CNBD1: variants seen among roughly 807,000 people sequenced by gnomAD.
CNBD1 encodes cyclic nucleotide-binding domain-containing protein 1.
Under a neutral mutation model 54.4 loss-of-function variants are expected in CNBD1, and 71 were observed. That is an observed-to-expected ratio of 1.30 (90% CI 1.08 to 1.59). The LOEUF is 1.59. Among genes scored for constraint, CNBD1 ranks in the 40% most tolerant of loss-of-function variants. The pLI, the probability that CNBD1 is intolerant of heterozygous loss-of-function variation, is 0.00. For missense variants in CNBD1, 659 were observed against 518.0 expected (o/e 1.27, Z -2.64); for synonymous variants, 182 against 170.7 (o/e 1.07, Z -0.51).
intron 2 of CNBD1, among the ~76,000 whole-genome samples, chr8:87,388,410 A>G (rs1160297534): frequency 2.0e-5 from 3 of 152,138 alleles, no homozygotes; most frequent in Non-Finnish European, 2.9e-5. Flanking sequence ...AAAAAATGAT[A>G]AAGGGGATAT....
At chr8:86,956,442 A>G (rs1807772132) in intron 4 of CNBD1, among the ~76,000 whole-genome samples, 2 of 152,126 alleles carry the variant, frequency 1.3e-5, no homozygotes, top group African/African-American at 2.4e-5. Flanking sequence ...TTTTCACGAC[A>G]TTGATTCTTT....
At chr8:87,414,968 G>T (rs144765345) in intron 2 of CNBD1, among the ~76,000 whole-genome samples, 2,075 of 152,106 alleles carry the variant, frequency 0.014, 51 homozygotes, top group African/African-American at 0.047. Flanking sequence ...GAGAGAAATG[G>T]GTGGCTGGAT....
intron 10 of CNBD1, among the ~76,000 whole-genome samples, chr8:87,354,469 A>T (rs1431662928): frequency 6.6e-6 from 1 of 151,748 alleles, no homozygotes; most frequent in East Asian, 1.9e-4. Flanking sequence ...GGTTTGTTAC[A>T]TATGTATACA....
At chr8:86,910,822 A>T (rs949580527) in intron 3 of CNBD1, among the ~76,000 whole-genome samples, 1 of 152,292 alleles carries the variant, frequency 6.6e-6, no homozygotes, top group South Asian at 2.1e-4. Context: ...GAAAGGGAAA[A>T]GTTCTCTCCT....
chr8:86,947,879 T>C (rs1464826375), intron 4 of CNBD1, among the ~76,000 whole-genome samples: 1 of 152,230 alleles, frequency 6.6e-6, no homozygotes, highest in East Asian at 1.9e-4. Context: ...TTGGTATCTT[T>C]TAGCCATCCC....
intron 5 of CNBD1, among the ~76,000 whole-genome samples, chr8:87,224,427 T>C (rs999465134): frequency 6.6e-6 from 1 of 151,736 alleles, no homozygotes; most frequent in Non-Finnish European, 1.5e-5. Context: ...GTATAAGGCG[T>C]AAGGAAGGGA....
At chr8:87,071,323 G>A (rs530208662) in intron 4 of CNBD1, among the ~76,000 whole-genome samples, 106 of 152,158 alleles carry the variant, frequency 7.0e-4, no homozygotes, top group African/African-American at 2.5e-3. Flanking sequence ...ATGTGGCAAT[G>A]GAGCCTCAAC....
chr8:86,931,003 G>C (rs1809447698), intron 3 of CNBD1, among the ~76,000 whole-genome samples: 1 of 152,134 alleles, frequency 6.6e-6, no homozygotes, highest in Admixed American at 6.5e-5. Context: ...GACAACAAAT[G>C]GGTAACTTAT....
Position 86,910,011 on chromosome 8 carries a change from AG to A in CNBD1, c.272+4820del, listed in dbSNP as rs1355774108. 2.0e-5 allele frequency among the ~76,000 whole-genome samples: 3 copies of A among 152,196 alleles called. No individual in the cohort carries two copies. In the East Asian group the frequency reaches 5.8e-4, roughly 29 times the overall value. On this transcript the variant is annotated intron_variant, in intron 3 of 10. Coordinates refer to ENST00000518476, the MANE Select transcript of CNBD1 (RefSeq NM_173538.3). ...AGAGTTTATGAGTCAGATCTTCTCA[AG>A]GGAGACAGCCTTAAGCAATAATCCT...
At chr8:87,202,662 G>A (rs1029952630) in intron 4 of CNBD1, among the ~76,000 whole-genome samples, 7 of 152,184 alleles carry the variant, frequency 4.6e-5, no homozygotes, top group African/African-American at 1.7e-4. Flanking sequence ...GACTTTTGCA[G>A]TTTTATAGAC....
Position 87,216,795 on chromosome 8 carries a change from T to C in CNBD1, c.577+10657T>C, listed in dbSNP as rs1814221272. ...TTTTTCCATGAATAAAATTAAGCTA[T>C]AGTATCAAGGAAACTTGTTTGTTAA... On this transcript the variant is annotated intron_variant, in intron 5 of 10. Transcript: ENST00000518476. Among the ~76,000 whole-genome samples the C allele has an allele frequency of 2.0e-5, 3 of 152,194 alleles. No homozygotes were observed. In the South Asian group the frequency reaches 6.2e-4, roughly 31 times the overall value.
intron 6 of CNBD1, among the ~76,000 whole-genome samples, chr8:87,262,033 A>G (rs1336166577): frequency 6.6e-6 from 1 of 151,804 alleles, no homozygotes. Context: ...GCATGCCTGT[A>G]GTCCCAGCTA....
chr8:87,211,282 G>A (rs1814092909), intron 5 of CNBD1, among the ~76,000 whole-genome samples: 1 of 152,142 alleles, frequency 6.6e-6, no homozygotes, highest in African/African-American at 2.4e-5. Context: ...CTCATAGGTG[G>A]GAGGAACATG....
At chr8:87,227,815 G>C (rs1046622855) in intron 5 of CNBD1, among the ~76,000 whole-genome samples, 1 of 149,494 alleles carries the variant, frequency 6.7e-6, no homozygotes, top group Non-Finnish European at 1.5e-5. Flanking sequence ...AAATTCTCCT[G>C]GATAATATCC....
chr8:87,425,681 G>A (rs1039111351), intron 2 of CNBD1, among the ~76,000 whole-genome samples: 1 of 152,140 alleles, frequency 6.6e-6, no homozygotes, highest in Admixed American at 6.5e-5. Context: ...CCCGTTCTCA[G>A]ATCTCCAGCT....
At chr8:87,095,883 C>T (rs1045642417) in intron 4 of CNBD1, among the ~76,000 whole-genome samples, 1 of 152,172 alleles carries the variant, frequency 6.6e-6, no homozygotes, top group Non-Finnish European at 1.5e-5. Context: ...TGGTCTCGAT[C>T]TCCTGACCTC....
intron 6 of CNBD1, among the ~76,000 whole-genome samples, chr8:87,253,949 TATC>T (rs1436112127): frequency 6.6e-5 from 10 of 152,320 alleles, no homozygotes; most frequent in African/African-American, 2.2e-4. Flanking sequence ...AAAATTCTAG[TATC>T]ATACACAAAG....
rs1811024064 is a variant in CNBD1 at position 87,379,320 on chromosome 8, A to T, written c.1304-3300A>T. Among the ~76,000 whole-genome samples, 5 of 152,050 alleles carry T rather than the reference A, an allele frequency of 3.3e-5. No individual in the cohort carries two copies. The South Asian group carries it at 1.0e-3, about 32-fold the overall frequency. On this transcript the variant is annotated intron_variant, in intron 10 of 10. Coordinates refer to ENST00000518476, the MANE Select transcript of CNBD1 (RefSeq NM_173538.3). ...CCCCACTGTCAACATTAGACAGATC[A>T]ACGAGACAGAAAGTCAACAAGGATA...
intron 4 of CNBD1, among the ~76,000 whole-genome samples, chr8:87,098,761 G>T (rs1328555507): frequency 6.6e-6 from 1 of 150,966 alleles, no homozygotes; most frequent in Non-Finnish European, 1.5e-5. Flanking sequence ...TCCTGGGCCA[G>T]GCGCAGTGGC....
Sources: gnomAD v4.1 joint callset for allele counts (sites outside exome capture counted in the v4.1 genomes callset) on GRCh38, gnomAD v4.1.1 for gene constraint, MANE v1.5 for transcripts, NCBI Gene and HGNC (gene_info 2026-07-23, HGNC 2026-07-21) for gene names.